XKR9: variants seen among roughly 807,000 people sequenced by gnomAD.
The protein encoded by XKR9 is XK-related protein 9.
XKR9 carries 32 observed loss-of-function variants against 32.0 expected under a neutral mutation model. The ratio of observed to expected loss-of-function variants is 1.00; its 90% confidence interval spans 0.76 to 1.34. The LOEUF (loss-of-function observed/expected upper bound fraction) is 1.34. Among genes scored for constraint, XKR9 ranks in the 40% most tolerant of loss-of-function variants. The pLI is 0.00. For synonymous variants in XKR9, 168 were observed against 143.4 expected, an observed-to-expected ratio of 1.17 and a Z score of -1.22; for missense variants, 546 against 429.7, an observed-to-expected ratio of 1.27 and a Z score of -2.39.
the XKR9 span, among the ~76,000 whole-genome samples, chr8:70,921,932 A>G: frequency 6.6e-6 from 1 of 152,192 alleles, no homozygotes; most frequent in Admixed American, 6.5e-5. Context: ...TTCACTGTGG[A>G]TACTACTTAC....
Position 70,724,139 on chromosome 8 carries a change from G to T in XKR9, c.494-9657G>T, listed in dbSNP as rs576073229. On this transcript the variant is annotated intron_variant, in intron 4 of 4. Transcript: ENST00000408926. ...GCCACAGCCATTTTGCTGTGCTGTGGTGAGTTCTGCCCAGTCTGAACTTCT... is the reference window on the plus strand; with the variant it reads ...GCCACAGCCATTTTGCTGTGCTGTGTTGAGTTCTGCCCAGTCTGAACTTCT... Among the ~76,000 whole-genome samples, 66 of 152,154 alleles carry T rather than the reference G, an allele frequency of 4.3e-4. 1 individual carries two copies. Among genetic ancestry groups the T allele is most frequent in the African/African-American group, 1.4e-3 (59 of 41,554 alleles).
At chr8:70,680,099 A>G (rs1406069614) in intron 2 of XKR9, among the ~76,000 whole-genome samples, 7 of 152,058 alleles carry the variant, frequency 4.6e-5, no homozygotes, top group Non-Finnish European at 8.8e-5. Context: ...TCCATGTATA[A>G]TTAAAAACCA....
the XKR9 span, among the ~76,000 whole-genome samples, chr8:70,896,399 C>G: frequency 7.3e-4 from 111 of 151,870 alleles, no homozygotes; most frequent in African/African-American, 2.5e-3. Flanking sequence ...TTTTCTATCT[C>G]TTTTTGAGTG....
At chr8:70,846,908 T>A in the XKR9 span, among the ~76,000 whole-genome samples, 1 of 152,032 alleles carries the variant, frequency 6.6e-6, no homozygotes, top group South Asian at 2.1e-4. Context: ...CAACACACCA[T>A]TCTCAGCTTT....
At chr8:70,671,634 T>C (rs1483982592) in intron 1 of XKR9, among the ~76,000 whole-genome samples, 3 of 77,744 alleles carry the variant, frequency 3.9e-5, no homozygotes, top group African/African-American at 1.2e-4. Context: ...GTTTCCAATT[T>C]CATCCATGTC....
intron 4 of XKR9, among the ~76,000 whole-genome samples, chr8:70,725,253 A>G (rs559655616): frequency 1.2e-3 from 189 of 152,292 alleles, no homozygotes; most frequent in Admixed American, 2.2e-3. Context: ...AAGCCAAACC[A>G]TATCATAAGG....
At chr8:70,806,588 T>TGGA in the XKR9 span, among the ~76,000 whole-genome samples, 1 of 152,120 alleles carries the variant, frequency 6.6e-6, no homozygotes, top group African/African-American at 2.4e-5. Flanking sequence ...CTCATGGAGC[T>TGGA]GGAAAACACA....
chr8:70,872,645 T>A, the XKR9 span, among the ~76,000 whole-genome samples: 1 of 152,130 alleles, frequency 6.6e-6, no homozygotes, highest in Non-Finnish European at 1.5e-5. Context: ...GACTGTCTTG[T>A]TAGGGGCTAA....
At chr8:70,931,940 A>G in the XKR9 span, among the ~76,000 whole-genome samples, 4 of 152,154 alleles carry the variant, frequency 2.6e-5, no homozygotes, top group Admixed American at 2.0e-4. Context: ...TTTCAACATG[A>G]GATTTGGAGG....
rs1805750321 is a variant in XKR9, at chr8:70,707,140, G to A, written c.480G>A (p.Ala160=). The change falls in exon 4 of 5, where the codon GCG becomes GCA. Residue 160 remains alanine, a synonymous_variant. Coordinates refer to ENST00000408926, the MANE Select transcript of XKR9 (RefSeq NM_001011720.2). ...ACATTCTTCTGGAGCATGGACAAGC[G>A]AATTTCAGTCAGTGTAAGTTTTTCT... ...QLYILLEHGQ[A]NFSQYAAIMV... is the part of the protein sequence containing the mutation. 9 of 1,612,262 alleles carry A rather than the reference G, an allele frequency of 5.6e-6. No individual in the cohort carries two copies. Among genetic ancestry groups the A allele is most frequent in the East Asian group, 2.2e-5 (1 of 44,856 alleles).
At chr8:71,023,947 G>T in the XKR9 span, among the ~76,000 whole-genome samples, 2 of 152,022 alleles carry the variant, frequency 1.3e-5, no homozygotes, top group East Asian at 3.9e-4. Context: ...AGGTGTTTTG[G>T]ACTTGTTGTT....
At chr8:70,988,444 T>C in the XKR9 span, among the ~76,000 whole-genome samples, 1 of 152,096 alleles carries the variant, frequency 6.6e-6, no homozygotes, top group Non-Finnish European at 1.5e-5. Flanking sequence ...TTGAATGGCA[T>C]CTTTACAACT....
chr8:70,709,299 C>T (rs967059590), intron 4 of XKR9, among the ~76,000 whole-genome samples: 21 of 152,100 alleles, frequency 1.4e-4, no homozygotes, highest in Admixed American at 3.9e-4. Context: ...CGGGAATATA[C>T]GTAAAATAAT....
chr8:70,857,641 A>G, the XKR9 span, among the ~76,000 whole-genome samples: 8 of 152,194 alleles, frequency 5.3e-5, no homozygotes, highest in African/African-American at 1.9e-4. Context: ...CTGATACCAA[A>G]GCCTGGCCGA....
At chr8:70,739,845 T>G (rs902277318), downstream of XKR9, among the ~76,000 whole-genome samples, 4 of 152,254 alleles carry the variant, frequency 2.6e-5, no homozygotes, top group African/African-American at 9.6e-5. Flanking sequence ...CCGCCGTTGG[T>G]CTGATGGGCT....
At chr8:70,864,187 T>G in the XKR9 span, among the ~76,000 whole-genome samples, 1 of 152,190 alleles carries the variant, frequency 6.6e-6, no homozygotes, top group African/African-American at 2.4e-5. Context: ...ATCTTATAAC[T>G]TGTATAATAA....
intron 4 of XKR9, among the ~76,000 whole-genome samples, chr8:70,724,302 T>C (rs954021040): frequency 6.6e-6 from 1 of 152,118 alleles, no homozygotes; most frequent in African/African-American, 2.4e-5. Flanking sequence ...AGTCAGTGGT[T>C]CTTAGCTTGC....
chr8:71,010,336 A>G, the XKR9 span, among the ~76,000 whole-genome samples: 1 of 152,264 alleles, frequency 6.6e-6, no homozygotes, highest in African/African-American at 2.4e-5. Flanking sequence ...AAGAATTTGT[A>G]TTGTTAATGG....
the XKR9 span, among the ~76,000 whole-genome samples, chr8:70,908,803 C>A: frequency 6.6e-6 from 1 of 152,046 alleles, no homozygotes; most frequent in Admixed American, 6.6e-5. Context: ...ATTCTTAGAT[C>A]ATGGGCTGTA....
Sources: allele counts gnomAD v4.1 joint callset (sites outside exome capture counted in the v4.1 genomes callset), GRCh38; gene constraint gnomAD v4.1.1; transcripts MANE v1.5; gene names NCBI Gene and HGNC (gene_info 2026-07-23, HGNC 2026-07-21).